Variants in ENOX1 observed in about 807,000 individuals in gnomAD.
ENOX1 encodes the protein candidate growth-related and time keeping constitutive hydroquinone (NADH) oxidase.
Under a neutral mutation model 82.5 loss-of-function variants are expected in ENOX1, and 42 were observed. The ratio of observed to expected loss-of-function variants is 0.51; its 90% CI spans 0.40 to 0.66. ENOX1 has a LOEUF of 0.66. Among genes scored for constraint, ENOX1 ranks in the 30% least tolerant of loss-of-function variants. The pLI, the probability that ENOX1 is intolerant of heterozygous loss-of-function variation, is 0.00. For missense variants in ENOX1, 608 were observed against 811.6 expected (o/e 0.75, Z 3.05); for synonymous variants, 271 against 282.2 (o/e 0.96, Z 0.40).
chr13:43,730,290 A>G (rs1290590117), intron 1 of ENOX1, among the ~76,000 whole-genome samples: 1 of 152,178 alleles, frequency 6.6e-6, no homozygotes. Context: ...CCCTACCAGC[A>G]TATCTAATTA....
At chr13:43,581,084 A>G (rs2080702057) in intron 2 of ENOX1, among the ~76,000 whole-genome samples, 1 of 147,308 alleles carries the variant, frequency 6.8e-6, no homozygotes, top group Non-Finnish European at 1.5e-5. Flanking sequence ...ATGGAGAGAT[A>G]CTCAGGTATC....
intron 3 of ENOX1, among the ~76,000 whole-genome samples, chr13:43,439,024 C>A (rs936401850): frequency 2.0e-5 from 3 of 149,028 alleles, no homozygotes; most frequent in African/African-American, 7.4e-5. Flanking sequence ...ACTAAATGAA[C>A]TTTCCTGTCT....
At chr13:43,648,941 C>T (rs961591230) in intron 2 of ENOX1, among the ~76,000 whole-genome samples, 14 of 152,212 alleles carry the variant, frequency 9.2e-5, no homozygotes, top group African/African-American at 3.1e-4. Context: ...GCGACACTGG[C>T]TCTGAAACCA....
chr13:43,515,700 T>C lies in ENOX1; in HGVS notation c.-218-31548A>G, dbSNP rs560377033. Among the ~76,000 whole-genome samples the C allele has an allele frequency of 9.8e-5, 15 of 152,294 alleles. No homozygotes were observed. In the South Asian group the frequency reaches 3.1e-3, roughly 32 times the overall value. On this transcript the variant is annotated intron_variant, in intron 2 of 16. Coordinates refer to ENST00000690772, the MANE Select transcript of ENOX1 (RefSeq NM_001347969.2). Reference sequence around the variant, plus strand: ...CCATTTGTCAACCACTACACTATGCTAGTGCTACAGCTTCAAACAAAGAAT... The same window carrying C: ...CCATTTGTCAACCACTACACTATGCCAGTGCTACAGCTTCAAACAAAGAAT...
chr13:43,292,410 G>A (rs1248304777), intron 12 of ENOX1, among the ~76,000 whole-genome samples: 1 of 152,048 alleles, frequency 6.6e-6, no homozygotes, highest in African/African-American at 2.4e-5. Context: ...CTGACTGGTG[G>A]GTATTTCAGA....
At chr13:43,265,553 A>G (rs942646083) in intron 13 of ENOX1, 99 bp from the exon 14 acceptor site, 2 of 1,027,038 alleles carry the variant, frequency 1.9e-6, no homozygotes, top group Admixed American at 2.1e-5. Flanking sequence ...CTGAGGTTGC[A>G]TTTTATAAAA....
chr13:43,743,690 T>A (rs941743457), intron 1 of ENOX1, among the ~76,000 whole-genome samples: 1 of 152,178 alleles, frequency 6.6e-6, no homozygotes, highest in Non-Finnish European at 1.5e-5. Flanking sequence ...AGAAATGAAA[T>A]CACGAAGATC....
At chr13:43,299,758 A>T in intron 11 of ENOX1, among the ~76,000 whole-genome samples, 1 of 152,164 alleles carries the variant, frequency 6.6e-6, no homozygotes, top group Admixed American at 6.5e-5. Context: ...AGTGAAAGAA[A>T]ATTTGAAACG....
At chr13:43,396,677 G>A (rs923923883) in intron 5 of ENOX1, among the ~76,000 whole-genome samples, 5 of 152,184 alleles carry the variant, frequency 3.3e-5, no homozygotes, top group African/African-American at 7.2e-5. Context: ...CACCAGTCCC[G>A]GCCAAGATTA....
chr13:43,677,334 G>A (rs548127835), intron 1 of ENOX1, among the ~76,000 whole-genome samples: 7 of 152,264 alleles, frequency 4.6e-5, no homozygotes, highest in African/African-American at 1.7e-4. Context: ...AGTGAGAGTG[G>A]CCAAAAGGAA....
chr13:43,383,255 T>C (rs1384765938), intron 5 of ENOX1, among the ~76,000 whole-genome samples: 1 of 152,156 alleles, frequency 6.6e-6, no homozygotes, highest in East Asian at 1.9e-4. Flanking sequence ...TCATTGTATA[T>C]CTGAATTTAC....
intron 2 of ENOX1, among the ~76,000 whole-genome samples, chr13:43,592,884 G>A (rs2081305775): frequency 6.6e-6 from 1 of 152,128 alleles, no homozygotes; most frequent in Non-Finnish European, 1.5e-5. Context: ...ATCTCAAGGA[G>A]ATATTGCCTT....
At chr13:43,303,556 C>G (rs2153512689) in intron 11 of ENOX1, among the ~76,000 whole-genome samples, 1 of 152,316 alleles carries the variant, frequency 6.6e-6, no homozygotes, top group Admixed American at 6.5e-5. Flanking sequence ...GCCTTCTGCA[C>G]AGTCCCTCAG....
intron 12 of ENOX1, among the ~76,000 whole-genome samples, chr13:43,271,666 AACACAC>A (rs5803169): frequency 6.7e-6 from 1 of 149,930 alleles, no homozygotes; most frequent in Non-Finnish European, 1.5e-5. Flanking sequence ...CTTCTATTAA[AACACAC>A]ACACACACAC....
intron 1 of ENOX1, among the ~76,000 whole-genome samples, chr13:43,681,686 AACACACAC>A (rs3044219): frequency 0.023 from 3,136 of 135,306 alleles, 102 homozygotes; most frequent in African/African-American, 0.077. Context: ...ATAATGCATA[AACACACAC>A]ACACACACAC....
chr13:43,629,987 G>T (rs887524011), intron 2 of ENOX1, among the ~76,000 whole-genome samples: 2 of 152,144 alleles, frequency 1.3e-5, no homozygotes, highest in East Asian at 1.9e-4. Context: ...TTCTGAGAAG[G>T]GAATTTTTAT....
intron 1 of ENOX1, among the ~76,000 whole-genome samples, chr13:43,785,882 C>T (rs1952560702): frequency 6.6e-6 from 1 of 151,988 alleles, no homozygotes; most frequent in African/African-American, 2.4e-5. Context: ...TGGGAGGGGC[C>T]GCGTCCGTGG....
At position 43,383,884 on chromosome 13, in the gene ENOX1, T is replaced by C. The variant is rs568113578; in HGVS notation, c.209-22432A>G. ...GGTTAATGACTCTCAATTCTGAGCA[T>C]CCTTCTTCTCTCCTTCCAGCAGGTG... On this transcript the variant is annotated intron_variant, in intron 5 of 16. Transcript: ENST00000690772. 2.0e-5 allele frequency among the ~76,000 whole-genome samples: 3 copies of C among 152,354 alleles called. No individual in the cohort carries two copies. In the South Asian group the frequency reaches 6.2e-4, roughly 32 times the overall value.
chr13:43,464,919 G>A (rs568693074), intron 3 of ENOX1, among the ~76,000 whole-genome samples: 4 of 152,176 alleles, frequency 2.6e-5, no homozygotes, highest in East Asian at 3.9e-4. Context: ...TGACATTGAC[G>A]GTCTTGATGT....
Sources: allele counts gnomAD v4.1 joint callset (sites outside exome capture counted in the v4.1 genomes callset), GRCh38; gene constraint gnomAD v4.1.1; transcripts MANE v1.5; gene names NCBI Gene and HGNC (gene_info 2026-07-23, HGNC 2026-07-21).